The following HIBCH variants were observed in gnomAD, a reference collection of about 807,000 sequenced individuals.
HIBCH encodes the protein 3-hydroxyisobutyryl-CoA hydrolase.
HIBCH carries 50 observed loss-of-function variants against 58.2 expected under a neutral mutation model. The ratio of observed to expected loss-of-function variants is 0.86; its 90% CI spans 0.68 to 1.09. The LOEUF (loss-of-function observed/expected upper bound fraction) is 1.09. HIBCH is among the 50% of genes least tolerant of loss of function. The pLI is 0.00. For missense variants in HIBCH, 450 were observed against 449.7 expected, an observed-to-expected ratio of 1.00 and a Z score of -0.01; for synonymous variants, 151 against 146.9, an observed-to-expected ratio of 1.03 and a Z score of -0.20.
chr2:190,287,104 C>A (rs1215000336), intron 6 of HIBCH, among the ~76,000 whole-genome samples: 1 of 151,572 alleles, frequency 6.6e-6, no homozygotes, highest in Admixed American at 6.6e-5. Context: ...CTTTGTCACC[C>A]AGGCTGGAGT....
intron 13 of HIBCH, among the ~76,000 whole-genome samples, chr2:190,208,357 CCA>C (rs1472002691): frequency 6.6e-6 from 1 of 152,136 alleles, no homozygotes; most frequent in Non-Finnish European, 1.5e-5. Flanking sequence ...GTTTCAAAGG[CCA>C]CAGCAGCAGG....
chr2:190,263,793 T>C (rs1445480723), intron 6 of HIBCH, among the ~76,000 whole-genome samples: 1 of 152,152 alleles, frequency 6.6e-6, no homozygotes, highest in Admixed American at 6.5e-5. Context: ...CATTACCTTC[T>C]TTCCTTTCTA....
intron 6 of HIBCH, among the ~76,000 whole-genome samples, chr2:190,278,784 T>C (rs1687627772): frequency 6.8e-6 from 1 of 146,180 alleles, no homozygotes; most frequent in Admixed American, 6.9e-5. Context: ...CACTGTCCAC[T>C]ATCCAATTTA....
rs765256952 is a variant in HIBCH at position 190,197,603 on chromosome 2, G to C, written c.*17+7497C>G. ...GACTCTCCTGGGGCTCAACTCCCAC[G>C]GTAATGCTGGGAGATACCCCCAGGT... is the stretch of plus-strand genomic sequence containing the variant. On this transcript the variant is annotated intron_variant, in intron 1 of 1. Transcript: ENST00000399855. The surrounding 1 kb of genome is among the most constrained non-coding windows in gnomAD (Gnocchi z 4.0). 6.6e-6 allele frequency among the ~76,000 whole-genome samples: 1 copy of C among 152,120 alleles called. No homozygotes were observed. Among genetic ancestry groups the C allele is most frequent in the Admixed American group, 6.5e-5 (1 of 15,270 alleles).
At chr2:190,264,500 A>G (rs1687177148) in intron 6 of HIBCH, among the ~76,000 whole-genome samples, 1 of 152,120 alleles carries the variant, frequency 6.6e-6, no homozygotes, top group African/African-American at 2.4e-5. Context: ...TTGACCTCTA[A>G]CAAAGGATTA....
At chr2:190,317,611 C>T (rs753818794) in intron 1 of HIBCH, among the ~76,000 whole-genome samples, 28 of 152,224 alleles carry the variant, frequency 1.8e-4, no homozygotes, top group Middle Eastern at 3.4e-3. Context: ...GCGAGATTAA[C>T]CTGGCAATCT....
downstream of HIBCH, chr2:190,202,178 A>T (rs1454255630): frequency 6.0e-6 from 1 of 166,974 alleles, no homozygotes; most frequent in African/African-American, 2.4e-5. Context: ...TATCAACTAG[A>T]AGTCTGATTT....
intron 2 of HIBCH, 131 bp from the exon 3 acceptor site, chr2:190,297,084 C>A: frequency 1.2e-6 from 1 of 804,500 alleles, no homozygotes; most frequent in Non-Finnish European, 2.0e-6. Flanking sequence ...CTAGGTACAC[C>A]TTATAAGTTT....
intron 5 of HIBCH, among the ~76,000 whole-genome samples, chr2:190,288,174 T>TAAAAAAA (rs72480573): frequency 0.18 from 26,494 of 144,728 alleles, 2,843 homozygotes; most frequent in Admixed American, 0.31. Flanking sequence ...TTTTTTTTTT[T>TAAAAAAA]AAAAAAAGGA....
intron 1 of HIBCH, among the ~76,000 whole-genome samples, chr2:190,195,436 A>G (rs1410839244): frequency 6.6e-6 from 1 of 152,198 alleles, no homozygotes; most frequent in Admixed American, 6.5e-5. Context: ...TTGCATTCTC[A>G]CCAACAGTGA....
intron 3 of HIBCH, among the ~76,000 whole-genome samples, chr2:190,295,024 C>G (rs1001424735): frequency 1.3e-5 from 2 of 152,268 alleles, no homozygotes; most frequent in African/African-American, 2.4e-5. Context: ...ATAGCAATAA[C>G]CTTTCTACTG....
intron 11 of HIBCH, among the ~76,000 whole-genome samples, chr2:190,241,578 T>C (rs970281659): frequency 9.9e-5 from 15 of 152,202 alleles, no homozygotes; most frequent in Non-Finnish European, 1.5e-4. Flanking sequence ...TGTATTTTGG[T>C]ATGTTTTTGC....
rs188628050 is a variant in HIBCH, at chr2:190,211,504, G to A, written c.1011+1452C>T. ...TTTCCTTCTTAAAGCAAATTGAACC[G>A]AATGAAATGAAAAATCAAATCACCT... On this transcript the variant is annotated intron_variant, in intron 12 of 13. Transcript: ENST00000359678. This position sits in a 1 kb window ranked among gnomAD's most constrained non-coding sequence, Gnocchi z 5.0. Among the ~76,000 whole-genome samples the A allele has an allele frequency of 2.0e-5, 3 of 152,150 alleles. No individual in the cohort carries two copies. Among genetic ancestry groups the A allele is most frequent in the Non-Finnish European group, 2.9e-5 (2 of 67,994 alleles).
At chr2:190,276,994 T>G (rs1687568943) in intron 6 of HIBCH, among the ~76,000 whole-genome samples, 1 of 152,232 alleles carries the variant, frequency 6.6e-6, no homozygotes, top group Non-Finnish European at 1.5e-5. Flanking sequence ...TATTTCTATC[T>G]TAATTAATTC....
chr2:190,318,407 T>C (rs1206638399), intron 1 of HIBCH, among the ~76,000 whole-genome samples: 2 of 152,216 alleles, frequency 1.3e-5, no homozygotes, highest in East Asian at 3.9e-4. Context: ...CAAGGCCTTT[T>C]TTCCTCTCAG....
intron 13 of HIBCH, 34 bp from the exon 14 acceptor site, chr2:190,205,266 A>G (rs1165089370): frequency 8.7e-7 from 1 of 1,144,810 alleles, no homozygotes; most frequent in Non-Finnish European, 1.3e-6. Flanking sequence ...TAATACCATT[A>G]TTTTTGTCTA....
At chr2:190,278,738 CA>C (rs34358967) in intron 6 of HIBCH, among the ~76,000 whole-genome samples, 28,369 of 79,038 alleles carry the variant, frequency 0.36, 2,613 homozygotes, top group South Asian at 0.46. Context: ...GACTCCATCT[CA>C]AAAAAAAAAA....
At chr2:190,193,982 G>A (rs1689842999) in intron 1 of HIBCH, among the ~76,000 whole-genome samples, 1 of 151,694 alleles carries the variant, frequency 6.6e-6, no homozygotes, top group Non-Finnish European at 1.5e-5. Flanking sequence ...TGATGTTTTG[G>A]CTTTTGTTTA....
In HIBCH at chr2:190,306,274, T is replaced by C. The variant is rs1330907631; in HGVS notation, c.78+4480A>G. ...TAAGCGCTGGAAATTTCTCTGTACC[T>C]TACTGCTGGGTGTGCTATGAATAGG... On this transcript the variant is annotated intron_variant, in intron 2 of 13. Coordinates refer to ENST00000359678, the MANE Select transcript of HIBCH (RefSeq NM_014362.4). This position sits in a 1 kb window ranked among gnomAD's most constrained non-coding sequence, Gnocchi z 4.6. Among the ~76,000 whole-genome samples the C allele has an allele frequency of 6.6e-6, 1 of 152,152 alleles. No individual in the cohort carries two copies. Among genetic ancestry groups the C allele is most frequent in the East Asian group, 1.9e-4 (1 of 5,198 alleles).
Sources: gnomAD v4.1 joint callset for allele counts (sites outside exome capture counted in the v4.1 genomes callset) on GRCh38, gnomAD v4.1.1 for gene constraint, Gnocchi (gnomAD v3.1) non-coding constraint, MANE v1.5 for transcripts, NCBI Gene and HGNC (gene_info 2026-07-23, HGNC 2026-07-21) for gene names.